SALL2: variants seen among roughly 807,000 people sequenced by gnomAD.
SALL2 encodes the protein sal-like protein 2.
A neutral mutation model predicts 58.5 loss-of-function variants in SALL2; 32 were observed. The observed-to-expected ratio is 0.55, with a 90% CI of 0.41 to 0.74. The LOEUF is 0.74. Ranked by LOEUF, SALL2 falls within the 30% of genes least tolerant of loss-of-function variation. The pLI is 0.00. For synonymous variants in SALL2, 516 were observed against 513.6 expected, an observed-to-expected ratio of 1.00 and a Z score of -0.06; for missense variants, 1,201 against 1,268.9, an observed-to-expected ratio of 0.95 and a Z score of 0.81.
At position 21,524,812 on chromosome 14, in the gene SALL2, A is replaced by G; in HGVS notation, c.910T>C (p.Leu304=). Residue 304 remains leucine (L), a synonymous_variant, in exon 2 of 2, where the codon TTG becomes CTG. Transcript: ENST00000537235. ...HKPTPAPSPA[L]PGSTDQLIAS... ...ATCAGCTGATCTGTGCTGCCTGGCA[A>G]GGCTGGGGAAGGGGCAGGGGTGGGT... is the stretch of plus-strand genomic sequence containing the variant. 6.2e-7 allele frequency: 1 copy of G among 1,610,218 alleles called. No homozygotes were observed. The highest frequency in any genetic ancestry group is 8.5e-7 in the Non-Finnish European group (1 of 1,178,116).
chr14:21,522,741 G>C lies in SALL2; in HGVS notation c.2981C>G (p.Ser994Cys). 1 of 1,538,758 alleles carries C rather than the reference G, an allele frequency of 6.5e-7. No homozygotes were observed. The highest frequency in any genetic ancestry group is 8.7e-7 in the Non-Finnish European group (1 of 1,146,040). Residue 994 changes from serine to cysteine, a missense_variant, in exon 2 of 2, where the codon TCC (serine) becomes TGC (cysteine). Around this residue, in one of 3 missense-constraint regions of SALL2, gnomAD observed 675 missense variants for 683.8 expected, o/e 0.99. Transcript: ENST00000537235. ...GGGGTCATCTTTTCGGGGAAAGGGG[G>C]AGAGCCCTGTGGAGGTGATGGAAGG... ...CSPSITSTGLSPFPRKDDPTI... is the reference protein window; with the variant it reads ...CSPSITSTGLCPFPRKDDPTI...
chr14:21,522,833 C>A lies in SALL2; in HGVS notation c.2889G>T (p.Gln963His). 6.2e-7 allele frequency: 1 copy of A among 1,610,482 alleles called. No individual in the cohort carries two copies. Among genetic ancestry groups the A allele is most frequent in the Non-Finnish European group, 8.5e-7 (1 of 1,178,528 alleles). Residue 963 changes from glutamine (Q) to histidine (H), a missense_variant, in exon 2 of 2, where the codon CAG (glutamine) becomes CAT (histidine). Coordinates refer to ENST00000537235, the MANE Select transcript of SALL2 (RefSeq NM_001364564.1). ...LKKHMLLAHH[Q>H]VQPFAPHGPQ... The stretch of plus-strand genomic sequence containing the variant: ...GGCCATGGGGGGCAAAGGGCTGTAC[C>A]TGGTGGTGTGCCAGGAGCATATGCT...
chr14:21,536,118 T>C (rs1270582460), intron 1 of SALL2, among the ~76,000 whole-genome samples: 1 of 152,158 alleles, frequency 6.6e-6, no homozygotes, highest in African/African-American at 2.4e-5. Flanking sequence ...ATACAATTTT[T>C]CCCCCTCATA....
chr14:21,526,014 T>TACCCCACCCCCC, intron 1 of SALL2, 47 bp downstream of exon 1: 2 of 1,041,064 alleles, frequency 1.9e-6, no homozygotes, highest in Non-Finnish European at 2.9e-6. Flanking sequence ...CCCCTGCGCA[T>TACCCCACCCCCC]CCCCCTCCGC....
At position 21,524,593 on chromosome 14, in the gene SALL2, C is replaced by G; in HGVS notation, c.1129G>C (p.Ala377Pro). 1 of 1,614,238 alleles carries G rather than the reference C, an allele frequency of 6.2e-7. No individual in the cohort carries two copies. Among genetic ancestry groups the G allele is most frequent in the South Asian group, 1.1e-5 (1 of 91,088 alleles). Residue 377 changes from alanine (A) to proline (P), a missense_variant, in exon 2 of 2, where the codon GCC (alanine) becomes CCC (proline). This residue lies in a region of SALL2 where 59 missense variants were observed against 116.2 expected (regional missense o/e 0.51). Coordinates refer to ENST00000537235, the MANE Select transcript of SALL2 (RefSeq NM_001364564.1). ...GCACTGTCACTGCCAAATACTTTGG[C>G]ACAGAAGCGGCATTTGTGCCTTCCA... is the stretch of plus-strand genomic sequence containing the variant. ...PGGRHKCRFC[A>P]KVFGSDSALQ...
Position 21,525,969 on chromosome 14 carries a change from A to T in SALL2, c.67+92T>A. ...GGGACAGGGGCCTACGCAGAGAATC[A>T]TGCATTTTCTCCCACCCACCGAAAG... On this transcript the variant is annotated intron_variant, in intron 1 of 1. Coordinates refer to ENST00000537235, the MANE Select transcript of SALL2 (RefSeq NM_001364564.1). This position sits in a 1 kb window ranked among gnomAD's most constrained non-coding sequence, Gnocchi z 4.4. 8.4e-7 allele frequency: 1 copy of T among 1,184,530 alleles called. No individual in the cohort carries two copies. The highest frequency in any genetic ancestry group is 1.2e-6 in the Non-Finnish European group (1 of 827,708). 73.4% of individuals were successfully genotyped at this position (1,184,530 alleles called of 1,614,324 possible).
rs148134679 is a variant in SALL2, at chr14:21,524,104, T to C, written c.1618A>G (p.Ser540Gly). The change falls in exon 2 of 2, where the codon AGT (serine) becomes GGT (glycine). Residue 540 changes from serine to glycine, a missense_variant. By Grantham distance (56) the Ser-to-Gly change is moderately conservative. Around this residue, in one of 3 missense-constraint regions of SALL2, gnomAD observed 675 missense variants for 683.8 expected, o/e 0.99. Transcript: ENST00000537235. ...EGSAISGVAE[S>G]STATRMQLSK... The stretch of plus-strand genomic sequence containing the variant: ...AGTTGCATGCGAGTTGCCGTGCTAC[T>C]TTCTGCCACTCCACTGATGGCTGAG... The C allele has an allele frequency of 6.2e-7, 1 of 1,613,842 alleles. No individual in the cohort carries two copies. Among genetic ancestry groups the C allele is most frequent in the Middle Eastern group, 1.6e-4 (1 of 6,084 alleles).
At chr14:21,536,155 G>A (rs187291560) in intron 1 of SALL2, among the ~76,000 whole-genome samples, 5 of 152,228 alleles carry the variant, frequency 3.3e-5, no homozygotes, top group South Asian at 4.2e-4. Flanking sequence ...TCAAAAACAC[G>A]GTATCCTCAT....
chr14:21,531,154 A>G (rs146670894), upstream of SALL2, among the ~76,000 whole-genome samples: 29 of 152,370 alleles, frequency 1.9e-4, no homozygotes, highest in African/African-American at 6.3e-4. Context: ...GCTAAGTGAG[A>G]AAAAGATATT....
At chr14:21,534,125 G>A (rs1230609574) in intron 1 of SALL2, among the ~76,000 whole-genome samples, 1 of 152,114 alleles carries the variant, frequency 6.6e-6, no homozygotes, top group Non-Finnish European at 1.5e-5. Context: ...TCATGATTAA[G>A]AAAATTTATT....
chr14:21,531,741 C>G (rs896170067), intron 1 of SALL2, among the ~76,000 whole-genome samples: 1 of 101,654 alleles, frequency 9.8e-6, no homozygotes, highest in Non-Finnish European at 2.1e-5. Flanking sequence ...GAGTCTCGCT[C>G]TGTCGCCCAG....
chr14:21,522,394 GGGAGA>G lies in SALL2; in HGVS notation c.*305_*309del, dbSNP rs1892073018. ...CTCAGGTGCACCTACCAAAGGGAAAGGGAGAGGAGAGAGGAGGGGGAAGAAGGGTC... is the reference window on the plus strand; with the variant it reads ...CTCAGGTGCACCTACCAAAGGGAAAGGGAGAGAGGAGGGGGAAGAAGGGTC... On this transcript the variant is annotated 3_prime_UTR_variant, in exon 2 of 2. Transcript: ENST00000537235. 13 of 1,424,714 alleles carry G rather than the reference GGGAGA, an allele frequency of 9.1e-6. No individual in the cohort carries two copies. The highest frequency in any genetic ancestry group is 1.0e-5 in the Non-Finnish European group (11 of 1,093,050). The allele number at this position is 1,424,714 out of a possible 1,614,324, so 88.3% of individuals were successfully genotyped here. A position where few individuals can be genotyped will look rare whatever the true frequency, so the allele number is the denominator to read the frequency against.
chr14:21,529,734 G>A (rs2139679587), upstream of SALL2, among the ~76,000 whole-genome samples: 1 of 152,172 alleles, frequency 6.6e-6, no homozygotes, highest in South Asian at 2.1e-4. Context: ...GATTGCTTGA[G>A]GCCAGGAATT....
rs1426382704 is a variant in SALL2 at position 21,525,515 on chromosome 14, G to A, written c.207C>T (p.Asn69=). ...PVMVIIGGQE[N]PNNSSASSEP... ...CAGAGGAGGCCGAAGAGTTGTTGGG[G>A]TTCTCCTGGCCCCCAATTATCACCA... The change falls in exon 2 of 2, where the codon AAC becomes AAT. Residue 69 remains asparagine, a synonymous_variant. Coordinates refer to ENST00000537235, the MANE Select transcript of SALL2 (RefSeq NM_001364564.1). The surrounding 1 kb of genome is among the most constrained non-coding windows in gnomAD (Gnocchi z 4.4). 1.9e-6 allele frequency: 3 copies of A among 1,613,874 alleles called. No individual in the cohort carries two copies. The African/African-American group carries it at 4.0e-5, about 22-fold the overall frequency.
At position 21,524,503 on chromosome 14, in the gene SALL2, G is replaced by T; in HGVS notation, c.1219C>A (p.Arg407Ser). The change falls in exon 2 of 2, where the codon CGT (arginine) becomes AGT (serine). Residue 407 changes from arginine (R) to serine (S), a missense_variant. Physicochemically the swap from Arg to Ser is moderately radical, Grantham distance 110 (BLOSUM62 -1). Coordinates refer to ENST00000537235, the MANE Select transcript of SALL2 (RefSeq NM_001364564.1). ...RPYKCNVCGN[R>S]FTTRGNLKVH... Reference sequence around the variant, plus strand: ...TTGAGGTTGCCACGGGTGGTAAAACGGTTTCCACAGACATTGCACTTATAG... The same window carrying T: ...TTGAGGTTGCCACGGGTGGTAAAACTGTTTCCACAGACATTGCACTTATAG... The T allele has an allele frequency of 1.2e-6, 2 of 1,614,230 alleles. No homozygotes were observed.
chr14:21,522,497 G>A lies in SALL2; in HGVS notation c.*207C>T. The A allele has an allele frequency of 7.2e-7, 1 of 1,389,162 alleles. No homozygotes were observed. The highest frequency in any genetic ancestry group is 9.3e-7 in the Non-Finnish European group (1 of 1,076,792). The allele number at this position is 1,389,162 out of a possible 1,614,324, so 86.1% of individuals were successfully genotyped here. ...TCTATGTTCCTCAGGTACAAAGAAT[G>A]AGGAGGGAAGAAAAATTCCTTAGGG... is the stretch of plus-strand genomic sequence containing the variant. On this transcript the variant is annotated 3_prime_UTR_variant, in exon 2 of 2. Coordinates refer to ENST00000537235, the MANE Select transcript of SALL2 (RefSeq NM_001364564.1).
At position 21,524,458 on chromosome 14, in the gene SALL2, G is replaced by T. The variant is rs752109111; in HGVS notation, c.1264C>A (p.Arg422Ser). 6.2e-7 allele frequency: 1 copy of T among 1,614,268 alleles called. No individual in the cohort carries two copies. Among genetic ancestry groups the T allele is most frequent in the South Asian group, 1.1e-5 (1 of 91,086 alleles). ...GNLKVHFHRH[R>S]EKYPHVQMNP... is the part of the protein sequence containing the mutation. ...ATCTGCACATGTGGGTACTTCTCACGATGCCGGTGGAAATGCACTTTGAGG... is the reference window on the plus strand; with the variant it reads ...ATCTGCACATGTGGGTACTTCTCACTATGCCGGTGGAAATGCACTTTGAGG... Residue 422 changes from arginine (R) to serine (S), a missense_variant, in exon 2 of 2, where the codon CGT becomes AGT. Arg to Ser is a moderately radical substitution (Grantham distance 110). Coordinates refer to ENST00000537235, the MANE Select transcript of SALL2 (RefSeq NM_001364564.1).
chr14:21,522,119 CT>C lies in SALL2; in HGVS notation c.*584del. The C allele has an allele frequency of 6.3e-7, 1 of 1,597,910 alleles. No homozygotes were observed. The highest frequency in any genetic ancestry group is 1.1e-5 in the South Asian group (1 of 90,892). On this transcript the variant is annotated 3_prime_UTR_variant, in exon 2 of 2. Coordinates refer to ENST00000537235, the MANE Select transcript of SALL2 (RefSeq NM_001364564.1). ...CCCTGGATCCCATTGTTGGAGGCACCTTCCCAGCCACAGTTCCTAGGCCAAA... is the reference window on the plus strand; with the variant it reads ...CCCTGGATCCCATTGTTGGAGGCACCTCCCAGCCACAGTTCCTAGGCCAAA...
At chr14:21,530,583 C>G (rs1305496434), upstream of SALL2, among the ~76,000 whole-genome samples, 1 of 152,050 alleles carries the variant, frequency 6.6e-6, no homozygotes, top group African/African-American at 2.4e-5. Context: ...CCATCGCGCC[C>G]GGCCACCATA....
Sources: allele counts gnomAD v4.1 joint callset (sites outside exome capture counted in the v4.1 genomes callset), GRCh38; gene constraint gnomAD v4.1.1; regional missense constraint gnomAD v4.1.1; non-coding constraint Gnocchi (gnomAD v3.1); transcripts MANE v1.5; gene names NCBI Gene and HGNC (gene_info 2026-07-23, HGNC 2026-07-21).